Variants in C1S observed in about 807,000 individuals in gnomAD.
C1S encodes complement C1s.
C1S carries 31 observed loss-of-function variants against 54.0 expected under a neutral mutation model. That is an observed-to-expected ratio of 0.57 (90% CI 0.43 to 0.78). C1S has a LOEUF of 0.78. Ranked by LOEUF, C1S falls within the 30% of genes least tolerant of loss-of-function variation. The probability of loss-of-function intolerance (pLI) is 0.00; values close to 1 mark genes in which losing one functional copy is unlikely to be tolerated. For missense variants in C1S, 727 were observed against 851.8 expected, an observed-to-expected ratio of 0.85 and a Z score of 1.82; for synonymous variants, 292 against 303.6, an observed-to-expected ratio of 0.96 and a Z score of 0.40.
chr12:7,067,198 T>C lies in C1S; in HGVS notation c.1066+81T>C, dbSNP rs782810160. The C allele has an allele frequency of 2.7e-5, 28 of 1,020,212 alleles. No individual in the cohort carries two copies. The East Asian group carries it at 6.0e-4, about 22-fold the overall frequency. The allele number at this position is 1,020,212 out of a possible 1,614,324, so 63.2% of individuals were successfully genotyped here. On this transcript the variant is annotated intron_variant, in intron 9 of 11. Transcript: ENST00000360817. ...ATCAGCACATCAAAATTCAAATGCA[T>C]GGTTTCCTCTTAGGCATGTGAGGGA...
At chr12:7,061,547 A>G (rs1555161264) in intron 1 of C1S, 2 of 373,208 alleles carry the variant, frequency 5.4e-6, no homozygotes, top group African/African-American at 2.1e-5. Context: ...GGGCTGGTGG[A>G]GGACAATAGA....
At chr12:7,060,921 A>G (rs935803045) in intron 1 of C1S, 44 bp downstream of exon 1, 1 of 152,262 alleles carries the variant, frequency 6.6e-6, no homozygotes, top group Non-Finnish European at 1.5e-5. Context: ...ATGGAGGAAA[A>G]AGGAAAGGCA....
chr12:7,063,058 G>C lies in C1S; in HGVS notation c.382G>C (p.Val128Leu). The change falls in exon 4 of 12, where the codon GTT (valine) becomes CTT (leucine). Residue 128 changes from valine to leucine, a missense_variant. Val to Leu is a conservative substitution (Grantham distance 32). Transcript: ENST00000360817. The part of the protein sequence containing the change: ...ERFTGFAAYY[V>L]ATDINECTDF... ...TTTTACGGGGTTTGCTGCATACTAT[G>C]TTGCCACAGGTAAGGCTCACCCTTC... 1 of 1,613,134 alleles carries C rather than the reference G, an allele frequency of 6.2e-7. No individual in the cohort carries two copies. Among genetic ancestry groups the C allele is most frequent in the Non-Finnish European group, 8.5e-7 (1 of 1,179,972 alleles).
chr12:7,068,770 G>A (rs1565623830), intron 11 of C1S: 3 of 562,726 alleles, frequency 5.3e-6, no homozygotes, highest in Non-Finnish European at 9.6e-6. Flanking sequence ...GTTGGTGTCT[G>A]GTAATGTAGC....
intron 10 of C1S, 152 bp from the exon 11 acceptor site, chr12:7,068,304 T>A (rs1937731169): frequency 2.8e-6 from 2 of 714,234 alleles, no homozygotes; most frequent in African/African-American, 1.7e-5. Flanking sequence ...AGGAAGATAT[T>A]TTTTTTCTGG....
At chr12:7,064,542 T>A (rs1489203201) in intron 5 of C1S, 150 bp downstream of exon 5, 1 of 704,760 alleles carries the variant, frequency 1.4e-6, no homozygotes, top group Non-Finnish European at 2.2e-6. Context: ...ATTTATGTAT[T>A]ATTTTTAATA....
chr12:7,067,916 TAC>T, intron 10 of C1S, 145 bp downstream of exon 10: 1 of 899,064 alleles, frequency 1.1e-6, no homozygotes, highest in East Asian at 2.6e-5. Context: ...CGTCCAAAGA[TAC>T]AGTTTTCATC....
chr12:7,070,229 T>G lies in C1S; in HGVS notation c.1645T>G (p.Cys549Gly), dbSNP rs1555163001. 1 of 1,613,996 alleles carries G rather than the reference T, an allele frequency of 6.2e-7. No individual in the cohort carries two copies. Among genetic ancestry groups the G allele is most frequent in the East Asian group, 2.2e-5 (1 of 44,894 alleles). ...AATGGGACCCACCGTCTCTCCCATC[T>G]GCCTACCAGGCACCTCTTCCGACTA... Reference protein sequence around the residue: ...VKMGPTVSPICLPGTSSDYNL... With the variant: ...VKMGPTVSPIGLPGTSSDYNL... The change falls in exon 12 of 12, where the codon TGC (cysteine) becomes GGC (glycine). Residue 549 changes from cysteine (C) to glycine (G), a missense_variant. Transcript: ENST00000360817. This position sits in a 1 kb window ranked among gnomAD's most constrained non-coding sequence, Gnocchi z 4.9.
chr12:7,070,179 T>G lies in C1S; in HGVS notation c.1595T>G (p.Leu532Arg). 1 of 1,614,226 alleles carries G rather than the reference T, an allele frequency of 6.2e-7. No homozygotes were observed. The highest frequency in any genetic ancestry group is 2.2e-5 in the East Asian group (1 of 44,890). Residue 532 changes from leucine to arginine, a missense_variant, in exon 12 of 12, where the codon CTG becomes CGG. Coordinates refer to ENST00000360817, the MANE Select transcript of C1S (RefSeq NM_001734.5). The surrounding 1 kb of genome is among the most constrained non-coding windows in gnomAD (Gnocchi z 4.9). ...ACCAATTTTGATAATGACATTGCAC[T>G]GGTGCGGCTGAAAGACCCAGTGAAA... ...GRTNFDNDIA[L>R]VRLKDPVKMG...
chr12:7,065,062 C>G lies in C1S; in HGVS notation c.518-38C>G, dbSNP rs781935016. 36 of 1,519,496 alleles carry G rather than the reference C, an allele frequency of 2.4e-5. No individual in the cohort carries two copies. The Admixed American group carries it at 5.8e-4, about 25-fold the overall frequency. The allele number at this position is 1,519,496 out of a possible 1,614,324, so 94.1% of individuals were successfully genotyped here. The stretch of plus-strand genomic sequence containing the variant: ...TAGTGCAGGAATTCCTTTGCTTGAC[C>G]CTGTATTTGATTCTCCCTTTCTCTT... On this transcript the variant is annotated intron_variant, in intron 5 of 11. Coordinates refer to ENST00000360817, the MANE Select transcript of C1S (RefSeq NM_001734.5).
chr12:7,064,123 A>T (rs1947138008), intron 4 of C1S, 144 bp from the exon 5 acceptor site: 1 of 854,810 alleles, frequency 1.2e-6, no homozygotes, highest in Non-Finnish European at 2.0e-6. Flanking sequence ...ATATGGAATA[A>T]TAGTAGCCTG....
Position 7,070,495 on chromosome 12 carries a change from T to C in C1S, c.1911T>C (p.Ala637=). The C allele has an allele frequency of 6.2e-7, 1 of 1,614,030 alleles. No individual in the cohort carries two copies. Residue 637 remains alanine (A), a synonymous_variant, in exon 12 of 12, where the codon GCT becomes GCC. Coordinates refer to ENST00000360817, the MANE Select transcript of C1S (RefSeq NM_001734.5). This position sits in a 1 kb window ranked among gnomAD's most constrained non-coding sequence, Gnocchi z 4.9. ...AAGGGGACAGTGGTGGGGCCTTTGCTGTACAGGATCCCAATGACAAGACCA... is the reference window on the plus strand; with the variant it reads ...AAGGGGACAGTGGTGGGGCCTTTGCCGTACAGGATCCCAATGACAAGACCA... ...SCKGDSGGAF[A]VQDPNDKTKF...
chr12:7,064,233 G>C, intron 4 of C1S, 34 bp from the exon 5 acceptor site: 1 of 1,613,028 alleles, frequency 6.2e-7, no homozygotes, highest in Non-Finnish European at 8.5e-7. Flanking sequence ...CTTGGTGTTT[G>C]TTCTTGACCT....
intron 5 of C1S, among the ~76,000 whole-genome samples, chr12:7,064,856 TG>T (rs1947150344): frequency 1.3e-5 from 2 of 152,198 alleles, no homozygotes; most frequent in Non-Finnish European, 2.9e-5. Flanking sequence ...AAGGGTCTAC[TG>T]GGGGCTGTTC....
rs2135730490 is a variant in C1S, at chr12:7,070,338, C to G, written c.1754C>G (p.Ala585Gly). The G allele has an allele frequency of 6.2e-7, 1 of 1,614,234 alleles. No individual in the cohort carries two copies. The highest frequency in any genetic ancestry group is 8.5e-7 in the Non-Finnish European group (1 of 1,180,034). ...KRDRAVRLKA[A>G]RLPVAPLRKC... Reference sequence around the variant, plus strand: ...GATCGTGCTGTTCGCCTCAAGGCGGCAAGGTTACCTGTAGCTCCTTTAAGA... The same window carrying G: ...GATCGTGCTGTTCGCCTCAAGGCGGGAAGGTTACCTGTAGCTCCTTTAAGA... Residue 585 changes from alanine (A) to glycine (G), a missense_variant, in exon 12 of 12, where the codon GCA becomes GGA. Around this residue, in one of 3 missense-constraint regions of C1S, gnomAD observed 360 missense variants for 453.6 expected, o/e 0.79. Coordinates refer to ENST00000360817, the MANE Select transcript of C1S (RefSeq NM_001734.5). This position sits in a 1 kb window ranked among gnomAD's most constrained non-coding sequence, Gnocchi z 4.9.
chr12:7,063,020 C>T lies in C1S; in HGVS notation c.344C>T (p.Ser115Phe), dbSNP rs138764697. 38 of 1,614,022 alleles carry T rather than the reference C, an allele frequency of 2.4e-5. No homozygotes were observed. Among genetic ancestry groups the T allele is most frequent in the Admixed American group, 3.3e-5 (2 of 59,998 alleles). ...CAGGTGATCTTTAAGTCAGACTTTT[C>T]CAATGAAGAGCGTTTTACGGGGTTT... ...KLQVIFKSDF[S>F]NEERFTGFAA... The change falls in exon 4 of 12, where the codon TCC becomes TTC. Residue 115 changes from serine to phenylalanine, a missense_variant. Ser to Phe is a radical substitution (Grantham distance 155). Coordinates refer to ENST00000360817, the MANE Select transcript of C1S (RefSeq NM_001734.5).
chr12:7,064,047 C>CA (rs782576639), intron 4 of C1S: 72 of 602,928 alleles, frequency 1.2e-4, no homozygotes, highest in African/African-American at 2.8e-4. Context: ...CACACACACA[C>CA]CCCCGAGCTT....
At position 7,062,201 on chromosome 12, in the gene C1S, G is replaced by A. The variant is rs1447756048; in HGVS notation, c.6-274G>A. Reference sequence around the variant, plus strand: ...TGGTAGAATCACTTGAGCGCGGGAGGTCAAGGCTGCAGTGACCTGAGATCG... The same window carrying A: ...TGGTAGAATCACTTGAGCGCGGGAGATCAAGGCTGCAGTGACCTGAGATCG... On this transcript the variant is annotated intron_variant, in intron 2 of 11. Transcript: ENST00000360817. The A allele has an allele frequency of 1.9e-5, 11 of 567,316 alleles. No individual in the cohort carries two copies. In the Admixed American group the frequency reaches 3.3e-4, roughly 17 times the overall value. The allele number at this position is 567,316 out of a possible 1,614,324, so 35.1% of individuals were successfully genotyped here.
chr12:7,062,113 A>C, intron 2 of C1S, 196 bp downstream of exon 2: 2 of 610,910 alleles, frequency 3.3e-6, no homozygotes, highest in Non-Finnish European at 5.8e-6. Flanking sequence ...CTATTAAAAA[A>C]AAAAAAAATT....
Sources: allele counts gnomAD v4.1 joint callset (sites outside exome capture counted in the v4.1 genomes callset), GRCh38; gene constraint gnomAD v4.1.1; regional missense constraint gnomAD v4.1.1; non-coding constraint Gnocchi (gnomAD v3.1); transcripts MANE v1.5; gene names NCBI Gene and HGNC (gene_info 2026-07-23, HGNC 2026-07-21).